Variants in DCC observed in about 807,000 individuals in gnomAD.
The protein encoded by DCC is netrin receptor DCC.
In DCC, 58 loss-of-function variants were observed where a neutral mutation model predicts 172.5. That is an observed-to-expected ratio of 0.34 (90% CI 0.27 to 0.42). The LOEUF is 0.42. Ranked by LOEUF, DCC falls within the 10% of genes least tolerant of loss-of-function variation. The pLI, the probability that DCC is intolerant of heterozygous loss-of-function variation, is 1.00. For missense variants in DCC, 1,740 were observed against 1,791.0 expected (o/e 0.97, Z 0.51); for synonymous variants, 709 against 644.5 (o/e 1.10, Z -1.52).
chr18:53,025,183 A>T (rs2143936884), intron 5 of DCC, among the ~76,000 whole-genome samples: 1 of 152,272 alleles, frequency 6.6e-6, no homozygotes, highest in Admixed American at 6.6e-5. Context: ...CTGACGAGTC[A>T]CTGGAAGTAG....
rs924738050 is a variant in DCC, at chr18:53,302,458, A to G, written c.1912-3120A>G. ...CTTCACATAAATGGAATTAAACAGT[A>G]TGTACTCTTTCGAGTCTGGTTTTTC... On this transcript the variant is annotated intron_variant, in intron 12 of 28. Transcript: ENST00000442544. Among the ~76,000 whole-genome samples, 3 of 152,312 alleles carry G rather than the reference A, an allele frequency of 2.0e-5. No homozygotes were observed. The East Asian group carries it at 5.8e-4, about 29-fold the overall frequency.
intron 5 of DCC, among the ~76,000 whole-genome samples, chr18:52,965,971 T>G (rs1024953254): frequency 1.3e-5 from 2 of 152,152 alleles, no homozygotes; most frequent in African/African-American, 4.8e-5. Context: ...TTCAATAAAC[T>G]CCACTGATGT....
intron 26 of DCC, among the ~76,000 whole-genome samples, chr18:53,489,820 T>A (rs759501155): frequency 2.9e-4 from 44 of 152,348 alleles, no homozygotes; most frequent in Non-Finnish European, 3.7e-4. Flanking sequence ...TTTATATAGT[T>A]GTGATGGACA....
At position 53,427,841 on chromosome 18, in the gene DCC, A is replaced by G. The variant is rs563584646; in HGVS notation, c.3164-7303A>G. 2.0e-3 allele frequency among the ~76,000 whole-genome samples: 190 copies of G among 93,530 alleles called. 12 individuals are homozygous for G. The highest frequency in any genetic ancestry group is 5.6e-3 in the African/African-American group (172 of 30,724). 61.4% of individuals were successfully genotyped at this position (93,530 alleles called of 152,430 possible). On this transcript the variant is annotated intron_variant, in intron 21 of 28. Transcript: ENST00000442544. ...AATATATTAATATATGATATATAAT[A>G]TATATATTTCTTTTTATATATAATA...
chr18:52,793,781 AACTCTTTAACC>A (rs2037820095), intron 2 of DCC, among the ~76,000 whole-genome samples: 1 of 152,192 alleles, frequency 6.6e-6, no homozygotes, highest in Non-Finnish European at 1.5e-5. Context: ...TCTTATGTTT[AACTCTTTAACC>A]ATTTTGAGTT....
chr18:52,928,855 A>T (rs1034205525), intron 5 of DCC, among the ~76,000 whole-genome samples: 2 of 152,132 alleles, frequency 1.3e-5, no homozygotes, highest in African/African-American at 2.4e-5. Context: ...CCATCTGGAC[A>T]TGGGCAGTGT....
intron 15 of DCC, among the ~76,000 whole-genome samples, chr18:53,358,530 CTTTTTTTT>C (rs35093625): frequency 4.2e-5 from 4 of 95,922 alleles, no homozygotes; most frequent in Middle Eastern, 0.01. Context: ...TTCTCTCTCT[CTTTTTTTT>C]TTTTTTTTTT....
chr18:52,821,826 A>G (rs1040271624), intron 2 of DCC, among the ~76,000 whole-genome samples: 7 of 152,158 alleles, frequency 4.6e-5, no homozygotes, highest in African/African-American at 1.7e-4. Context: ...TGTATTCCCA[A>G]TGTCTAAAAC....
intron 2 of DCC, among the ~76,000 whole-genome samples, chr18:52,788,493 T>G (rs2037701382): frequency 6.6e-6 from 1 of 152,172 alleles, no homozygotes; most frequent in Non-Finnish European, 1.5e-5. Context: ...TAAGACCACC[T>G]TTTTGCATTT....
At chr18:52,610,797 A>T (rs1474311137) in intron 1 of DCC, among the ~76,000 whole-genome samples, 1 of 152,122 alleles carries the variant, frequency 6.6e-6, no homozygotes, top group African/African-American at 2.4e-5. Context: ...ATTTCATATA[A>T]TTTTTTAAGT....
At chr18:52,402,423 T>C (rs1385743776) in intron 1 of DCC, among the ~76,000 whole-genome samples, 1 of 152,004 alleles carries the variant, frequency 6.6e-6, no homozygotes, top group African/African-American at 2.4e-5. Context: ...TTTTACTCAT[T>C]GTGTTTGTTC....
chr18:53,108,985 C>A (rs996509258), intron 7 of DCC, among the ~76,000 whole-genome samples: 1 of 150,630 alleles, frequency 6.6e-6, no homozygotes, highest in African/African-American at 2.4e-5. Context: ...TAATGTCCAT[C>A]TAGTTGCCAA....
At chr18:52,412,270 T>C (rs888116952) in intron 1 of DCC, among the ~76,000 whole-genome samples, 38 of 152,152 alleles carry the variant, frequency 2.5e-4, no homozygotes, top group Non-Finnish European at 7.4e-5. Flanking sequence ...TCTGTCTGTA[T>C]ACCAATTGAT....
At chr18:53,162,230 T>G (rs2054852644) in intron 8 of DCC, among the ~76,000 whole-genome samples, 2 of 140,338 alleles carry the variant, frequency 1.4e-5, no homozygotes. Flanking sequence ...ACCTGGGAGG[T>G]GGAGATGGCA....
chr18:52,756,217 A>C lies in DCC; in HGVS notation c.412+3843A>C, dbSNP rs117462285. ...TTCTGTGCCATGTATACTTCTATTT[A>C]GTCCTCTAGATTGAGAACAGCTGAA... On this transcript the variant is annotated intron_variant, in intron 2 of 28. Coordinates refer to ENST00000442544, the MANE Select transcript of DCC (RefSeq NM_005215.4). 1.6e-3 allele frequency among the ~76,000 whole-genome samples: 234 copies of C among 149,046 alleles called. No individual in the cohort carries two copies. In the East Asian group the frequency reaches 0.021, roughly 13 times the overall value.
At chr18:53,057,550 A>T (rs1014210981) in intron 5 of DCC, among the ~76,000 whole-genome samples, 24 of 152,242 alleles carry the variant, frequency 1.6e-4, no homozygotes, top group African/African-American at 5.5e-4. Flanking sequence ...GATCTGATGG[A>T]AATGTGGACA....
chr18:53,170,754 T>C (rs947728255), intron 8 of DCC, among the ~76,000 whole-genome samples: 1 of 152,340 alleles, frequency 6.6e-6, no homozygotes, highest in Admixed American at 6.5e-5. Flanking sequence ...ATAGCACATA[T>C]GTTGTACTTG....
intron 1 of DCC, among the ~76,000 whole-genome samples, chr18:52,578,461 A>G (rs914476131): frequency 6.6e-6 from 1 of 152,142 alleles, no homozygotes; most frequent in East Asian, 1.9e-4. Flanking sequence ...ATAGACATTT[A>G]GGTGTTGTTT....
chr18:52,516,130 C>T (rs988160927), intron 1 of DCC, among the ~76,000 whole-genome samples: 1 of 151,878 alleles, frequency 6.6e-6, no homozygotes, highest in South Asian at 2.1e-4. Flanking sequence ...CTGGATCACC[C>T]CTAGATTGCT....
Sources: gnomAD v4.1 joint callset for allele counts (sites outside exome capture counted in the v4.1 genomes callset) on GRCh38, gnomAD v4.1.1 for gene constraint, MANE v1.5 for transcripts, NCBI Gene and HGNC (gene_info 2026-07-23, HGNC 2026-07-21) for gene names.